TEAD1: variants seen among roughly 807,000 people sequenced by gnomAD.
TEAD1 encodes TEA domain transcription factor 1, also known as transcriptional enhancer factor TEF-1.
TEAD1 carries 9 observed loss-of-function variants against 54.9 expected under a neutral mutation model. That is an observed-to-expected ratio of 0.16 (90% CI 0.10 to 0.29). The LOEUF (loss-of-function observed/expected upper bound fraction) is 0.29, where lower values mean the gene tolerates loss of function less well. TEAD1 is among the 10% of genes least tolerant of loss of function. TEAD1 has a pLI of 1.00. For missense variants in TEAD1, 387 were observed against 535.9 expected (o/e 0.72, Z 2.74); for synonymous variants, 200 against 187.8 (o/e 1.07, Z -0.53).
At chr11:12,915,306 TGG>T (rs1382063396) in intron 10 of TEAD1, among the ~76,000 whole-genome samples, 3 of 152,168 alleles carry the variant, frequency 2.0e-5, no homozygotes, top group African/African-American at 7.2e-5. Flanking sequence ...CATTCTTCAC[TGG>T]GCAGGAGTAG....
chr11:12,920,885 C>G (rs997878629), intron 10 of TEAD1, among the ~76,000 whole-genome samples: 8 of 152,208 alleles, frequency 5.3e-5, no homozygotes, highest in African/African-American at 1.9e-4. Flanking sequence ...TATGGTGTAT[C>G]TGTGCCATAG....
At chr11:12,711,239 G>A (rs1439419624) in intron 2 of TEAD1, among the ~76,000 whole-genome samples, 2 of 152,188 alleles carry the variant, frequency 1.3e-5, no homozygotes, top group East Asian at 1.9e-4. Context: ...TGGAAGAGAG[G>A]TGGAATGAAG....
chr11:12,901,100 G>T (rs1948419424), intron 9 of TEAD1, among the ~76,000 whole-genome samples: 1 of 152,176 alleles, frequency 6.6e-6, no homozygotes, highest in Non-Finnish European at 1.5e-5. Context: ...TTATGCCCAG[G>T]CCTTTGTGAT....
chr11:12,942,058 G>A lies in TEAD1; in HGVS notation c.*4836G>A, dbSNP rs1949166857. On this transcript the variant is annotated 3_prime_UTR_variant, in exon 13 of 13. Transcript: ENST00000527636. ...ACTGCTTGGTGTAAAATCCGAAACT[G>A]GACACAAGTCAGTTCTTTCACCACA... 1 of 152,414 alleles carries A rather than the reference G, an allele frequency of 6.6e-6. No individual in the cohort carries two copies. Among genetic ancestry groups the A allele is most frequent in the Admixed American group, 6.6e-5 (1 of 15,262 alleles). 9.4% of individuals were successfully genotyped at this position (152,414 alleles called of 1,614,324 possible).
chr11:12,708,878 G>C (rs1355174416), intron 2 of TEAD1, among the ~76,000 whole-genome samples: 1 of 152,156 alleles, frequency 6.6e-6, no homozygotes, highest in Non-Finnish European at 1.5e-5. Context: ...CAATATATAT[G>C]TGTGTATTGA....
intron 2 of TEAD1, among the ~76,000 whole-genome samples, chr11:12,736,372 C>G (rs1270075811): frequency 6.6e-6 from 1 of 152,020 alleles, no homozygotes; most frequent in Non-Finnish European, 1.5e-5. Flanking sequence ...AGTGGTGTAT[C>G]TTAAGGTAAA....
intron 5 of TEAD1, among the ~76,000 whole-genome samples, chr11:12,873,334 G>C (rs1322887338): frequency 6.6e-6 from 1 of 152,138 alleles, no homozygotes; most frequent in Non-Finnish European, 1.5e-5. Flanking sequence ...TAAATCCCAG[G>C]CTTCCTGGGA....
At chr11:12,924,351 T>C (rs1286597552) in intron 10 of TEAD1, among the ~76,000 whole-genome samples, 3 of 152,240 alleles carry the variant, frequency 2.0e-5, no homozygotes, top group Non-Finnish European at 4.4e-5. Flanking sequence ...GCAAAACCCG[T>C]ACATTGTCTA....
intron 2 of TEAD1, among the ~76,000 whole-genome samples, chr11:12,723,830 T>G (rs1341199746): frequency 1.3e-5 from 2 of 152,146 alleles, no homozygotes; most frequent in Admixed American, 6.5e-5. Flanking sequence ...CCACGAAATC[T>G]TAGAAAGGTG....
At chr11:12,776,574 C>G (rs1192968528) in intron 3 of TEAD1, among the ~76,000 whole-genome samples, 1 of 151,936 alleles carries the variant, frequency 6.6e-6, no homozygotes, top group Non-Finnish European at 1.5e-5. Context: ...TACAGATTCT[C>G]ATTTAATTAT....
At position 12,684,992 on chromosome 11, in the gene TEAD1, T is replaced by A. The variant is rs1036228404; in HGVS notation, c.-55+9431T>A. On this transcript the variant is annotated intron_variant, in intron 2 of 12. Coordinates refer to ENST00000527636, the MANE Select transcript of TEAD1 (RefSeq NM_021961.6). ...AAGCTGGTGATAGAACCTTGTGTTT[T>A]CGAAGTCAGCTGGCTTAAGCTGGTC... 3.3e-5 allele frequency among the ~76,000 whole-genome samples: 5 copies of A among 152,218 alleles called. No individual in the cohort carries two copies. The South Asian group carries it at 1.0e-3, about 32-fold the overall frequency.
intron 5 of TEAD1, among the ~76,000 whole-genome samples, chr11:12,876,043 G>C (rs1947848338): frequency 6.6e-6 from 1 of 152,112 alleles, no homozygotes; most frequent in Admixed American, 6.5e-5. Context: ...ACACCCCAGT[G>C]GGTACACCTT....
At chr11:12,708,353 C>T (rs534346314) in intron 2 of TEAD1, among the ~76,000 whole-genome samples, 1 of 151,692 alleles carries the variant, frequency 6.6e-6, no homozygotes, top group African/African-American at 2.4e-5. Context: ...TGTAACAATG[C>T]CTGTCACTCG....
At chr11:12,720,230 C>T (rs1173587182) in intron 2 of TEAD1, among the ~76,000 whole-genome samples, 1 of 151,776 alleles carries the variant, frequency 6.6e-6, no homozygotes, top group Non-Finnish European at 1.5e-5. Context: ...AAAGTTAGAT[C>T]TCTAGAGAGA....
At position 12,901,995 on chromosome 11, in the gene TEAD1, C is replaced by T; in HGVS notation, c.755C>T (p.Pro252Leu). The change falls in exon 10 of 13, where the codon CCA becomes CTA. Residue 252 changes from proline (P) to leucine (L), a missense_variant. Physicochemically the swap from Pro to Leu is moderately conservative, Grantham distance 98. This residue lies in a region of TEAD1 where 180 missense variants were observed against 180.6 expected (regional missense o/e 1.00). Coordinates refer to ENST00000527636, the MANE Select transcript of TEAD1 (RefSeq NM_021961.6). ...CATGCCAACCATTCTTACAGTGACC[C>T]ATTGCTTGAATCAGTGGACATTCGT... The T allele has an allele frequency of 6.2e-7, 1 of 1,614,224 alleles. No homozygotes were observed. Among genetic ancestry groups the T allele is most frequent in the East Asian group, 2.2e-5 (1 of 44,884 alleles).
chr11:12,864,617 TTTTTG>T (rs78050843), intron 4 of TEAD1: 10,846 of 951,916 alleles, frequency 0.011, 203 homozygotes, highest in African/African-American at 0.077. Context: ...TTGATTTCCT[TTTTTG>T]TTTTGTTTTG....
At chr11:12,923,089 ATACT>A (rs1948841806) in intron 10 of TEAD1, among the ~76,000 whole-genome samples, 1 of 152,086 alleles carries the variant, frequency 6.6e-6, no homozygotes, top group Non-Finnish European at 1.5e-5. Context: ...ATATATATAC[ATACT>A]TTCTGCTCTC....
intron 3 of TEAD1, among the ~76,000 whole-genome samples, chr11:12,843,204 C>G (rs1227868171): frequency 6.6e-6 from 1 of 152,134 alleles, no homozygotes; most frequent in Non-Finnish European, 1.5e-5. Flanking sequence ...AGATCTTGCT[C>G]TGCCAAATCT....
intron 3 of TEAD1, among the ~76,000 whole-genome samples, chr11:12,815,388 C>G (rs1052750174): frequency 2.6e-5 from 4 of 152,160 alleles, no homozygotes; most frequent in African/African-American, 7.2e-5. Context: ...TTGTTCTTCA[C>G]ATATTTTATT....
Sources: allele counts gnomAD v4.1 joint callset (sites outside exome capture counted in the v4.1 genomes callset), GRCh38; gene constraint gnomAD v4.1.1; regional missense constraint gnomAD v4.1.1; transcripts MANE v1.5; gene names NCBI Gene and HGNC (gene_info 2026-07-23, HGNC 2026-07-21).